The following SAMD12 variants were observed in gnomAD, a reference collection of about 807,000 sequenced individuals.
SAMD12 encodes sterile alpha motif domain-containing protein 12.
Under a neutral mutation model 15.0 loss-of-function variants are expected in SAMD12, and 9 were observed. The observed-to-expected ratio is 0.60, with a 90% CI of 0.36 to 1.05. SAMD12 has a LOEUF of 1.05. SAMD12 is among the 50% of genes least tolerant of loss of function. SAMD12 has a pLI of 0.01. For missense variants in SAMD12, 230 were observed against 234.2 expected (o/e 0.98, Z 0.12); for synonymous variants, 86 against 90.1 (o/e 0.96, Z 0.25).
At chr8:118,543,731 C>T (rs1380547075) in intron 2 of SAMD12, among the ~76,000 whole-genome samples, 1 of 151,042 alleles carries the variant, frequency 6.6e-6, no homozygotes, top group Non-Finnish European at 1.5e-5. Context: ...CCAGGGAAGC[C>T]AAAAGTTTAG....
chr8:118,161,714 TA>T, the SAMD12 span, among the ~76,000 whole-genome samples: 25 of 151,504 alleles, frequency 1.7e-4, no homozygotes, highest in East Asian at 4.4e-3. Context: ...AATTATTTAT[TA>T]TTATTATTAT....
At chr8:118,534,137 G>C (rs906093648) in intron 2 of SAMD12, among the ~76,000 whole-genome samples, 1 of 152,108 alleles carries the variant, frequency 6.6e-6, no homozygotes, top group African/African-American at 2.4e-5. Flanking sequence ...GGGCAGGCCT[G>C]GTGGTGACAA....
chr8:118,616,382 C>T (rs999682897), intron 1 of SAMD12, among the ~76,000 whole-genome samples: 3 of 151,904 alleles, frequency 2.0e-5, no homozygotes, highest in Admixed American at 6.6e-5. Flanking sequence ...TAGTCCTTGC[C>T]GTAGAAAGTA....
rs967007947 is a variant in SAMD12 at position 118,212,896 on chromosome 8, T to C, written c.434-15164A>G. ...AGAAATGTTAAAATATGAGACAAGT[T>C]GGATCTCAGATGCAATGAAATACGG... On this transcript the variant is annotated intron_variant, in intron 4 of 4. Coordinates refer to the SAMD12 transcript ENST00000409003. Among the ~76,000 whole-genome samples the C allele has an allele frequency of 7.9e-5, 12 of 152,272 alleles. No individual in the cohort carries two copies. The East Asian group carries it at 2.3e-3, about 29-fold the overall frequency.
intron 4 of SAMD12, among the ~76,000 whole-genome samples, chr8:118,302,744 G>C (rs1815113842): frequency 6.6e-6 from 1 of 152,172 alleles, no homozygotes; most frequent in Non-Finnish European, 1.5e-5. Context: ...TGCACTTGGT[G>C]ATTGAGTCTT....
intron 3 of SAMD12, among the ~76,000 whole-genome samples, chr8:118,412,022 T>C (rs1165690001): frequency 6.6e-6 from 1 of 152,226 alleles, no homozygotes; most frequent in Non-Finnish European, 1.5e-5. Flanking sequence ...AAAGACCATA[T>C]GTGGCAAACA....
At chr8:118,494,537 T>C (rs896940602) in intron 2 of SAMD12, among the ~76,000 whole-genome samples, 1 of 152,222 alleles carries the variant, frequency 6.6e-6, no homozygotes, top group African/African-American at 2.4e-5. Context: ...CACTGAAATA[T>C]GTACTAAAAA....
intron 1 of SAMD12, among the ~76,000 whole-genome samples, chr8:118,608,545 C>A (rs1210011279): frequency 6.6e-6 from 1 of 151,994 alleles, no homozygotes; most frequent in Non-Finnish European, 1.5e-5. Flanking sequence ...ACTCTGTAGC[C>A]CAGGCCAGAG....
chr8:118,543,303 C>T (rs562336641), intron 2 of SAMD12, among the ~76,000 whole-genome samples: 1 of 152,306 alleles, frequency 6.6e-6, no homozygotes, highest in Admixed American at 6.5e-5. Context: ...TTGTGTACAA[C>T]TTCCAAATCT....
At chr8:118,515,417 G>A (rs926808034) in intron 2 of SAMD12, among the ~76,000 whole-genome samples, 4 of 151,918 alleles carry the variant, frequency 2.6e-5, no homozygotes, top group Non-Finnish European at 4.4e-5. Context: ...TTCCTCAGCC[G>A]TGCTTCCCAT....
chr8:118,402,423 G>A (rs1237211414), intron 3 of SAMD12, among the ~76,000 whole-genome samples: 5 of 152,158 alleles, frequency 3.3e-5, no homozygotes, highest in Non-Finnish European at 7.4e-5. Context: ...AAATAACACT[G>A]AAACATCATG....
At chr8:118,199,502 A>G (rs1819653106) in intron 4 of SAMD12, among the ~76,000 whole-genome samples, 1 of 152,216 alleles carries the variant, frequency 6.6e-6, no homozygotes, top group East Asian at 1.9e-4. Context: ...ACCTTGGAAA[A>G]TAATGAATAA....
Position 118,435,044 on chromosome 8 carries a change from A to G in SAMD12, c.322+4788T>C, listed in dbSNP as rs1180224983. On this transcript the variant is annotated intron_variant, in intron 3 of 3. Transcript: ENST00000314727. ...CGTGAACCCGGGAGGCGGAGCTTGC[A>G]GTGAGCCGAGATCCCGCCACTGCAC... Among the ~76,000 whole-genome samples, 2 of 25,348 alleles carry G rather than the reference A, an allele frequency of 7.9e-5. 1 individual carries two copies. Among genetic ancestry groups the G allele is most frequent in the Admixed American group, 1.2e-3 (2 of 1,670 alleles). The allele number at this position is 25,348 out of a possible 152,430, so 16.6% of individuals were successfully genotyped here. A position where few individuals can be genotyped will look rare whatever the true frequency, so the allele number is the denominator to read the frequency against.
downstream of SAMD12, among the ~76,000 whole-genome samples, chr8:118,376,367 C>T (rs183698359): frequency 4.5e-3 from 688 of 152,152 alleles, 3 homozygotes; most frequent in Non-Finnish European, 6.1e-3. Flanking sequence ...GATCAGGTCA[C>T]GGGGGTGCAG....
chr8:118,545,022 A>T (rs930760370), intron 2 of SAMD12, among the ~76,000 whole-genome samples: 2 of 152,186 alleles, frequency 1.3e-5, no homozygotes, highest in African/African-American at 4.8e-5. Flanking sequence ...CTGCAACAGA[A>T]CCCTCTAGGG....
chr8:118,569,175 A>G (rs1826937032), intron 2 of SAMD12, among the ~76,000 whole-genome samples: 1 of 152,226 alleles, frequency 6.6e-6, no homozygotes, highest in Admixed American at 6.5e-5. Context: ...CAAAACTTTG[A>G]GTAATGACAT....
chr8:118,464,929 A>G (rs1275240647), intron 2 of SAMD12, among the ~76,000 whole-genome samples: 1 of 152,114 alleles, frequency 6.6e-6, no homozygotes, highest in Non-Finnish European at 1.5e-5. Flanking sequence ...TAGATGCTAT[A>G]CTCTGCTGTG....
chr8:118,460,681 G>A (rs187955976), intron 2 of SAMD12, among the ~76,000 whole-genome samples: 23 of 152,278 alleles, frequency 1.5e-4, no homozygotes, highest in Non-Finnish European at 1.9e-4. Flanking sequence ...AACATTACTG[G>A]AGGGAGAAGT....
chr8:118,349,304 T>C (rs1817833409), intron 4 of SAMD12, among the ~76,000 whole-genome samples: 1 of 152,242 alleles, frequency 6.6e-6, no homozygotes, highest in Non-Finnish European at 1.5e-5. Flanking sequence ...AAAAGTCAGC[T>C]GTGTCATCCT....
Sources: gnomAD v4.1 joint callset for allele counts (sites outside exome capture counted in the v4.1 genomes callset) on GRCh38, gnomAD v4.1.1 for gene constraint, MANE v1.5 for transcripts, NCBI Gene and HGNC (gene_info 2026-07-23, HGNC 2026-07-21) for gene names.